ZNF385D: variants seen among roughly 807,000 people sequenced by gnomAD.
ZNF385D encodes the protein zinc finger protein 659.
ZNF385D carries 15 observed loss-of-function variants against 35.8 expected under a neutral mutation model. The ratio of observed to expected loss-of-function variants is 0.42; its 90% CI spans 0.28 to 0.64. ZNF385D has a LOEUF of 0.64. ZNF385D is among the 30% of genes least tolerant of loss of function. ZNF385D has a pLI of 0.23. For synonymous variants in ZNF385D, 212 were observed against 186.8 expected (o/e 1.13, Z -1.10); for missense variants, 474 against 494.6 (o/e 0.96, Z 0.39).
intron 7 of ZNF385D, 109 bp downstream of exon 7, chr3:21,423,854 G>C: frequency 1.0e-6 from 1 of 975,100 alleles, no homozygotes. Flanking sequence ...AACTCAAAAA[G>C]GTAAAAGGTA....
chr3:22,271,070 G>A (rs1428646298), intron 2 of ZNF385D, among the ~76,000 whole-genome samples: 1 of 151,676 alleles, frequency 6.6e-6, no homozygotes. Context: ...ATCTTTTCCT[G>A]GAACACTCAC....
Position 22,009,630 on chromosome 3 carries a change from A to T in ZNF385D, c.325+159187T>A, listed in dbSNP as rs563809337. On this transcript the variant is annotated intron_variant, in intron 3 of 5. Transcript: ENST00000494108. The stretch of plus-strand genomic sequence containing the variant: ...AGAGTGAGACTCTGTCTCAAAAAAA[A>T]AAATAAAAAAAAAAAAGATTCAATG... Among the ~76,000 whole-genome samples the T allele has an allele frequency of 4.4e-3, 274 of 62,624 alleles. 1 individual carries two copies. Among genetic ancestry groups the T allele is most frequent in the African/African-American group, 0.041 (264 of 6,466 alleles). 41.1% of individuals were successfully genotyped at this position (62,624 alleles called of 152,430 possible). A position where few individuals can be genotyped will look rare whatever the true frequency, so the allele number is the denominator to read the frequency against.
intron 2 of ZNF385D, among the ~76,000 whole-genome samples, chr3:22,287,632 A>G (rs911850025): frequency 6.6e-6 from 1 of 151,940 alleles, no homozygotes; most frequent in Non-Finnish European, 1.5e-5. Context: ...CACAAACTCT[A>G]CACTTTTTCT....
At chr3:21,998,881 C>G (rs577417887) in intron 3 of ZNF385D, among the ~76,000 whole-genome samples, 5 of 152,242 alleles carry the variant, frequency 3.3e-5, no homozygotes, top group African/African-American at 9.6e-5. Context: ...CATGCACATA[C>G]TGAAGAGTTC....
At chr3:22,038,225 A>G (rs2125498258) in intron 3 of ZNF385D, among the ~76,000 whole-genome samples, 1 of 152,274 alleles carries the variant, frequency 6.6e-6, no homozygotes, top group South Asian at 2.1e-4. Context: ...TTCTTGATTG[A>G]AATTATAAAA....
intron 3 of ZNF385D, among the ~76,000 whole-genome samples, chr3:21,991,074 A>G (rs533167528): frequency 1.3e-4 from 20 of 152,214 alleles, no homozygotes; most frequent in Non-Finnish European, 2.6e-4. Context: ...TTGTACAAAA[A>G]TATTTGAATA....
At chr3:21,885,434 T>C (rs1698490517) in intron 3 of ZNF385D, among the ~76,000 whole-genome samples, 2 of 151,878 alleles carry the variant, frequency 1.3e-5, no homozygotes, top group Admixed American at 1.3e-4. Context: ...ATGAAAAAAA[T>C]AGTGAATTTC....
intron 2 of ZNF385D, among the ~76,000 whole-genome samples, chr3:22,309,605 A>T (rs1373140397): frequency 6.6e-6 from 1 of 152,088 alleles, no homozygotes; most frequent in Non-Finnish European, 1.5e-5. Flanking sequence ...AACAAAACTA[A>T]AATATATTTA....
At chr3:21,549,090 T>G (rs2062481673) in intron 3 of ZNF385D, among the ~76,000 whole-genome samples, 2 of 152,244 alleles carry the variant, frequency 1.3e-5, no homozygotes, top group Non-Finnish European at 2.9e-5. Flanking sequence ...CCTTTTTAGA[T>G]ATTCAAGGTC....
intron 3 of ZNF385D, among the ~76,000 whole-genome samples, chr3:21,538,657 C>T (rs1171050518): frequency 6.6e-6 from 1 of 152,046 alleles, no homozygotes; most frequent in African/African-American, 2.4e-5. Flanking sequence ...CTTCCTAAAC[C>T]TGCATCAAAT....
At chr3:21,938,293 G>C (rs1219442343) in intron 3 of ZNF385D, among the ~76,000 whole-genome samples, 1 of 152,170 alleles carries the variant, frequency 6.6e-6, no homozygotes, top group African/African-American at 2.4e-5. Context: ...ACACCGGTGA[G>C]CCTGGCAGAT....
rs189554171 is a variant in ZNF385D, at chr3:21,425,830, C to T, written c.674-160G>A. On this transcript the variant is annotated intron_variant, in intron 5 of 7. Transcript: ENST00000281523. The stretch of plus-strand genomic sequence containing the variant: ...CTCATTTTAGTGCAGTTTTTCCTGG[C>T]ATTATGGGCAGAAGTATATACATGA... Among the ~76,000 whole-genome samples, 4 of 152,196 alleles carry T rather than the reference C, an allele frequency of 2.6e-5. No homozygotes were observed. In the East Asian group the frequency reaches 5.8e-4, roughly 22 times the overall value.
At chr3:22,326,191 AC>A (rs1208662693) in intron 2 of ZNF385D, among the ~76,000 whole-genome samples, 1 of 152,214 alleles carries the variant, frequency 6.6e-6, no homozygotes, top group Non-Finnish European at 1.5e-5. Context: ...ATGAATAGAA[AC>A]ACTTCAATTA....
chr3:21,835,732 C>T (rs897996085), intron 3 of ZNF385D, among the ~76,000 whole-genome samples: 2 of 151,924 alleles, frequency 1.3e-5, no homozygotes, highest in African/African-American at 4.8e-5. Flanking sequence ...AAGATGATAC[C>T]TTTTACATTC....
At chr3:22,030,424 G>GT (rs1481059802) in intron 3 of ZNF385D, among the ~76,000 whole-genome samples, 19 of 150,294 alleles carry the variant, frequency 1.3e-4, no homozygotes, top group African/African-American at 4.7e-4. Context: ...GGATAAGCAA[G>GT]TAACTTTTTT....
intron 1 of ZNF385D, among the ~76,000 whole-genome samples, chr3:21,690,943 AACTCTGGCGTTCTACCCTC>A (rs1354092754): frequency 6.6e-6 from 1 of 152,098 alleles, no homozygotes; most frequent in African/African-American, 2.4e-5. Flanking sequence ...AAAATCTTGG[AACTCTGGCGTTCTACCCTC>A]GGATAGAAAT....
At chr3:21,997,872 CGTGT>C (rs751459423) in intron 3 of ZNF385D, among the ~76,000 whole-genome samples, 2,178 of 90,044 alleles carry the variant, frequency 0.024, 41 homozygotes, top group African/African-American at 0.064. Context: ...CGCGCGCGCG[CGTGT>C]GTGTGTGTGT....
chr3:21,560,165 C>T (rs1244034026), intron 3 of ZNF385D, among the ~76,000 whole-genome samples: 1 of 152,170 alleles, frequency 6.6e-6, no homozygotes, highest in East Asian at 1.9e-4. Context: ...TCTGTCAATT[C>T]GTCAAACTCA....
Position 22,011,899 on chromosome 3 carries a change from C to T in ZNF385D, c.325+156918G>A, listed in dbSNP as rs571846317. Reference sequence around the variant, plus strand: ...TACATACTGCATATAGTAGCACCAACAAATAAAACATTTCAATAAAAGGGC... The same window carrying T: ...TACATACTGCATATAGTAGCACCAATAAATAAAACATTTCAATAAAAGGGC... On this transcript the variant is annotated intron_variant, in intron 3 of 5. Transcript: ENST00000494108. 3.9e-4 allele frequency among the ~76,000 whole-genome samples: 60 copies of T among 152,198 alleles called. No homozygotes were observed. In the Middle Eastern group the frequency reaches 0.01, roughly 26 times the overall value.
Sources: gnomAD v4.1 joint callset for allele counts (sites outside exome capture counted in the v4.1 genomes callset) on GRCh38, gnomAD v4.1.1 for gene constraint, MANE v1.5 for transcripts, NCBI Gene and HGNC (gene_info 2026-07-23, HGNC 2026-07-21) for gene names.